Variants in LRBA observed in about 807,000 individuals in gnomAD.
LRBA encodes the protein lipopolysaccharide-responsive and beige-like anchor protein.
A neutral mutation model predicts 330.0 loss-of-function variants in LRBA; 176 were observed. The ratio of observed to expected loss-of-function variants is 0.53; its 90% CI spans 0.47 to 0.60. The LOEUF is 0.60. Among genes scored for constraint, LRBA ranks in the 20% least tolerant of loss-of-function variants. LRBA has a pLI of 0.00. For missense variants in LRBA, 3,259 were observed against 3,444.8 expected (o/e 0.95, Z 1.35); for synonymous variants, 1,230 against 1,193.0 (o/e 1.03, Z -0.64).
At chr4:150,636,338 A>T (rs1036196155) in intron 37 of LRBA, among the ~76,000 whole-genome samples, 3 of 152,046 alleles carry the variant, frequency 2.0e-5, no homozygotes, top group Non-Finnish European at 4.4e-5. Flanking sequence ...ATTTATTGCT[A>T]TCTATTAGAT....
chr4:150,793,381 C>T (rs1740278906), intron 34 of LRBA, among the ~76,000 whole-genome samples: 1 of 152,042 alleles, frequency 6.6e-6, no homozygotes, highest in African/African-American at 2.4e-5. Flanking sequence ...CATAACTACA[C>T]TATTTGGTAA....
At chr4:150,397,274 G>T (rs7682907) in intron 47 of LRBA, among the ~76,000 whole-genome samples, 57,250 of 151,878 alleles carry the variant, frequency 0.38, 11,651 homozygotes, top group Non-Finnish European at 0.47. Context: ...GATACAAAAA[G>T]GTATTCATTT....
At chr4:150,294,168 G>A (rs1728681321) in intron 53 of LRBA, among the ~76,000 whole-genome samples, 1 of 152,156 alleles carries the variant, frequency 6.6e-6, no homozygotes, top group Admixed American at 6.5e-5. Context: ...ATATGAGTGT[G>A]TACCTGCAAG....
chr4:150,727,844 GA>G (rs1729910531), intron 36 of LRBA, among the ~76,000 whole-genome samples: 1 of 151,994 alleles, frequency 6.6e-6, no homozygotes, highest in African/African-American at 2.4e-5. Flanking sequence ...AAAATTAGTA[GA>G]AGAAAAGAAA....
rs766874341 is a variant in LRBA at position 150,264,517 on chromosome 4, C to CAATT, written c.*1201_*1204dup. 3.9e-5 allele frequency: 6 copies of CAATT among 152,162 alleles called. No individual in the cohort carries two copies. Among genetic ancestry groups the CAATT allele is most frequent in the African/African-American group, 9.7e-5 (4 of 41,432 alleles). The allele number at this position is 152,162 out of a possible 1,614,324, so 9.4% of individuals were successfully genotyped here. On this transcript the variant is annotated 3_prime_UTR_variant, in exon 57 of 57. Transcript: ENST00000651943. The stretch of plus-strand genomic sequence containing the variant: ...AGCAAAAAAGGCATTTCCAACAATT[C>CAATT]AATTACAGATGCCATTTTATTCAGC...
At chr4:150,676,101 T>C (rs767385408) in intron 37 of LRBA, among the ~76,000 whole-genome samples, 1 of 152,342 alleles carries the variant, frequency 6.6e-6, no homozygotes, top group South Asian at 2.1e-4. Flanking sequence ...TGAATGTATA[T>C]GAAAATTATG....
chr4:150,866,307 A>G (rs112801265), intron 22 of LRBA, among the ~76,000 whole-genome samples: 50 of 152,344 alleles, frequency 3.3e-4, no homozygotes, highest in African/African-American at 1.2e-3. Context: ...AAAACTCCAA[A>G]AATAGTTAGA....
intron 37 of LRBA, among the ~76,000 whole-genome samples, chr4:150,632,301 GA>G (rs1052100497): frequency 6.6e-6 from 1 of 150,482 alleles, no homozygotes; most frequent in African/African-American, 2.4e-5. Flanking sequence ...AACTAATTTA[GA>G]AAAAGAAAAA....
intron 56 of LRBA, among the ~76,000 whole-genome samples, chr4:150,268,232 G>A (rs1745619813): frequency 6.6e-6 from 1 of 152,110 alleles, no homozygotes; most frequent in African/African-American, 2.4e-5. Context: ...AAAACTGAAT[G>A]AAGAAATAGA....
chr4:150,883,977 T>C (rs996495102), intron 17 of LRBA, among the ~76,000 whole-genome samples: 1 of 152,040 alleles, frequency 6.6e-6, no homozygotes, highest in African/African-American at 2.4e-5. Context: ...CCGAAAAAAA[T>C]TTTCACTGAA....
At chr4:151,015,304 T>C (rs1339562489), upstream of LRBA, 1 of 152,330 alleles carries the variant, frequency 6.6e-6, no homozygotes, top group Non-Finnish European at 1.5e-5. Flanking sequence ...GGGCGGTGAT[T>C]ATTCTAAATG....
chr4:150,681,153 G>A (rs575363723), intron 37 of LRBA, among the ~76,000 whole-genome samples: 4 of 152,146 alleles, frequency 2.6e-5, no homozygotes, highest in Admixed American at 2.6e-4. Flanking sequence ...AGCAGGCTTA[G>A]CATAGTTAAA....
intron 40 of LRBA, among the ~76,000 whole-genome samples, chr4:150,535,974 T>G (rs1764615806): frequency 6.6e-6 from 1 of 152,128 alleles, no homozygotes; most frequent in African/African-American, 2.4e-5. Flanking sequence ...CTAAAAATAT[T>G]TACCTTAATA....
chr4:150,849,842 C>T (rs943103872), intron 24 of LRBA, among the ~76,000 whole-genome samples: 2 of 152,022 alleles, frequency 1.3e-5, no homozygotes, highest in African/African-American at 4.8e-5. Flanking sequence ...GAAAATTATC[C>T]TTACTGGGAA....
chr4:150,857,188 A>G (rs2126941120), intron 22 of LRBA, among the ~76,000 whole-genome samples: 1 of 152,252 alleles, frequency 6.6e-6, no homozygotes, highest in Admixed American at 6.5e-5. Flanking sequence ...ATCTTTAAAA[A>G]CAGGTGGATC....
At chr4:150,391,628 T>G (rs576741702) in intron 47 of LRBA, among the ~76,000 whole-genome samples, 8 of 151,638 alleles carry the variant, frequency 5.3e-5, no homozygotes, top group African/African-American at 1.9e-4. Flanking sequence ...GGTAAGTAAA[T>G]TGTGTGTGTG....
At chr4:150,521,391 T>C (rs922950554) in intron 40 of LRBA, among the ~76,000 whole-genome samples, 1 of 152,182 alleles carries the variant, frequency 6.6e-6, no homozygotes, top group Non-Finnish European at 1.5e-5. Flanking sequence ...ATTTTGTCCA[T>C]ATCCCACTAA....
At chr4:150,851,834 C>CT in intron 23 of LRBA, 51 bp downstream of exon 23, 1 of 1,483,742 alleles carries the variant, frequency 6.7e-7, no homozygotes, top group East Asian at 2.4e-5. Context: ...TACACTTGCT[C>CT]TTTTTTAACT....
chr4:150,963,798 C>G lies in LRBA; in HGVS notation c.217-34733G>C, dbSNP rs936490929. 6.8e-5 allele frequency among the ~76,000 whole-genome samples: 10 copies of G among 147,980 alleles called. 2 individuals are homozygous for G. The highest frequency in any genetic ancestry group is 2.7e-4 in the African/African-American group (10 of 37,654). On this transcript the variant is annotated intron_variant, in intron 2 of 56. Transcript: ENST00000651943. ...TGTGAGGAGCCCCTCCGCCCGGCCC[C>G]CCAGTCTGGGAAGTGAGGAGCGCCT...
Sources: gnomAD v4.1 joint callset for allele counts (sites outside exome capture counted in the v4.1 genomes callset) on GRCh38, gnomAD v4.1.1 for gene constraint, MANE v1.5 for transcripts, NCBI Gene and HGNC (gene_info 2026-07-23, HGNC 2026-07-21) for gene names.